YIF1B: variants seen among roughly 807,000 people sequenced by gnomAD.
YIF1B encodes the protein protein YIF1B.
A neutral mutation model predicts 34.6 loss-of-function variants in YIF1B; 24 were observed. The ratio of observed to expected loss-of-function variants is 0.69; its 90% confidence interval spans 0.50 to 0.98. YIF1B has a LOEUF of 0.98. Among genes scored for constraint, YIF1B ranks in the 50% least tolerant of loss-of-function variants. The probability of loss-of-function intolerance (pLI) is 0.00; values close to 1 mark genes in which losing one functional copy is unlikely to be tolerated. For synonymous variants in YIF1B, 186 were observed against 184.8 expected (o/e 1.01, Z -0.05); for missense variants, 368 against 429.4 (o/e 0.86, Z 1.26).
chr19:38,320,694 G>A (rs1969642013), upstream of YIF1B, among the ~76,000 whole-genome samples: 1 of 152,106 alleles, frequency 6.6e-6, no homozygotes, highest in African/African-American at 2.4e-5. Flanking sequence ...GAGTAGCTGG[G>A]ATTACAGGCA....
In YIF1B at chr19:38,304,206, G is replaced by C. The variant is rs1399967877; in HGVS notation, c.*1146C>G. 1 of 1,607,896 alleles carries C rather than the reference G, an allele frequency of 6.2e-7. No homozygotes were observed. Among genetic ancestry groups the C allele is most frequent in the Admixed American group, 1.7e-5 (1 of 59,798 alleles). On this transcript the variant is annotated 3_prime_UTR_variant, in exon 8 of 8. Transcript: ENST00000339413. ...GTCTCAGCGCTCCTCCCCCTGCTCCGCTCCTCTGCAGGGCCCAGGCGCCCT... is the reference window on the plus strand; with the variant it reads ...GTCTCAGCGCTCCTCCCCCTGCTCCCCTCCTCTGCAGGGCCCAGGCGCCCT...
chr19:38,307,670 G>C lies in YIF1B; in HGVS notation c.622C>G (p.Leu208Val). Residue 208 changes from leucine to valine, a missense_variant, in exon 6 of 8, where the codon CTC becomes GTC. By Grantham distance (32) the Leu-to-Val change is conservative (BLOSUM62 1). Transcript: ENST00000339413. ...TCGGTGTTGACAGTGACCAGATAGAGGCTGAGCAGGATGGCCAGCACCTCC... is the reference window on the plus strand; with the variant it reads ...TCGGTGTTGACAGTGACCAGATAGACGCTGAGCAGGATGGCCAGCACCTCC... ...TLEVLAILLS[L>V]YLVTVNTDLT... is the part of the protein sequence containing the mutation. 2 of 1,613,788 alleles carry C rather than the reference G, an allele frequency of 1.2e-6. No homozygotes were observed. Among genetic ancestry groups the C allele is most frequent in the Non-Finnish European group, 1.7e-6 (2 of 1,180,014 alleles).
At chr19:38,310,542 T>C (rs1377961334) in intron 1 of YIF1B, among the ~76,000 whole-genome samples, 1 of 151,986 alleles carries the variant, frequency 6.6e-6, no homozygotes, top group Non-Finnish European at 1.5e-5. Context: ...TTATCATCCA[T>C]CCATCCAGAT....
upstream of YIF1B, chr19:38,320,032 C>A: frequency 6.7e-7 from 1 of 1,496,978 alleles, no homozygotes; most frequent in Admixed American, 2.2e-5. Context: ...GGTGGCGCGG[C>A]TGGAGGGGCC....
chr19:38,309,104 C>G lies in YIF1B; in HGVS notation c.403-47G>C, dbSNP rs765775823. 3.2e-6 allele frequency: 5 copies of G among 1,557,746 alleles called. No individual in the cohort carries two copies. The Admixed American group carries it at 5.4e-5, about 17-fold the overall frequency. On this transcript the variant is annotated intron_variant, in intron 3 of 7. Coordinates refer to ENST00000339413, the MANE Select transcript of YIF1B (RefSeq NM_001039672.3). ...CAGGACCCTCAGAGCCAGGCCCCTC[C>G]CACCCTGCTACAGGCCCTCCTCCCT...
chr19:38,317,938 G>A (rs1274998105), upstream of YIF1B, among the ~76,000 whole-genome samples: 2 of 151,008 alleles, frequency 1.3e-5, no homozygotes, highest in Non-Finnish European at 1.5e-5. Context: ...GATCACGCCT[G>A]TAATCCCAGC....
upstream of YIF1B, chr19:38,316,075 T>G: frequency 2.7e-6 from 3 of 1,100,364 alleles, no homozygotes; most frequent in Non-Finnish European, 3.5e-6. Context: ...CACGGAGGCC[T>G]GGACGACTGG....
At chr19:38,319,848 G>C, upstream of YIF1B, 1 of 1,154,310 alleles carries the variant, frequency 8.7e-7, no homozygotes, top group Non-Finnish European at 1.1e-6. Flanking sequence ...ATCTGCTGCC[G>C]CGCCTGTAGC....
chr19:38,321,760 T>TCTGCC (rs549244684), upstream of YIF1B, among the ~76,000 whole-genome samples: 468 of 152,358 alleles, frequency 3.1e-3, 1 homozygote, highest in Admixed American at 6.3e-3. Context: ...CTCCCCTGGG[T>TCTGCC]CTGCCCATGC....
In YIF1B at chr19:38,304,027, C is replaced by T; in HGVS notation, c.*1325G>A. ...CATCCACAGAGCCCCCCTCAGTCGG[C>T]CTCCCCTGAGGCACCAAGGCTGGCG... is the stretch of plus-strand genomic sequence containing the variant. On this transcript the variant is annotated 3_prime_UTR_variant, in exon 8 of 8. Coordinates refer to ENST00000339413, the MANE Select transcript of YIF1B (RefSeq NM_001039672.3). 1 of 597,518 alleles carries T rather than the reference C, an allele frequency of 1.7e-6. No individual in the cohort carries two copies. The highest frequency in any genetic ancestry group is 2.9e-6 in the Non-Finnish European group (1 of 340,018). The allele number at this position is 597,518 out of a possible 1,614,324, so 37.0% of individuals were successfully genotyped here.
chr19:38,310,893 C>T (rs1969301367), intron 1 of YIF1B, among the ~76,000 whole-genome samples: 2 of 152,142 alleles, frequency 1.3e-5, no homozygotes, highest in African/African-American at 4.8e-5. Context: ...CACTCCCCAC[C>T]CCCTGCCCTG....
chr19:38,316,989 G>A (rs1391492567), upstream of YIF1B, among the ~76,000 whole-genome samples: 1 of 152,176 alleles, frequency 6.6e-6, no homozygotes, highest in Non-Finnish European at 1.5e-5. Context: ...GTGAGAAAAG[G>A]AAACCCAACA....
rs762411054 is a variant in YIF1B, at chr19:38,309,397, C to T, written c.297+8G>A. 12 of 1,612,592 alleles carry T rather than the reference C, an allele frequency of 7.4e-6. No individual in the cohort carries two copies. Among genetic ancestry groups the T allele is most frequent in the Non-Finnish European group, 6.8e-6 (8 of 1,179,078 alleles). On this transcript the variant is annotated splice_region_variant and intron_variant, in intron 2 of 7. Coordinates refer to ENST00000339413, the MANE Select transcript of YIF1B (RefSeq NM_001039672.3). Reference sequence around the variant, plus strand: ...ATCCCCCCACTCCCACCAGCCCCGCCCACTCACGTTCTTATCCACCAGCTC... The same window carrying T: ...ATCCCCCCACTCCCACCAGCCCCGCTCACTCACGTTCTTATCCACCAGCTC...
chr19:38,317,296 C>T (rs1318343081), upstream of YIF1B: 1 of 152,278 alleles, frequency 6.6e-6, no homozygotes, highest in Non-Finnish European at 1.5e-5. Flanking sequence ...AGCGATAGCG[C>T]ATCCGGAAGG....
At chr19:38,317,835 C>T (rs142110790), upstream of YIF1B, among the ~76,000 whole-genome samples, 22 of 151,204 alleles carry the variant, frequency 1.5e-4, no homozygotes, top group Non-Finnish European at 2.8e-4. Context: ...CTGCCTTGGC[C>T]TCCCAAAGCA....
At chr19:38,310,486 C>CT (rs1969285200) in intron 1 of YIF1B, among the ~76,000 whole-genome samples, 1 of 148,830 alleles carries the variant, frequency 6.7e-6, no homozygotes, top group Non-Finnish European at 1.5e-5. Context: ...ATCCATCCAT[C>CT]ATCATCCATC....
At position 38,304,497 on chromosome 19, in the gene YIF1B, C is replaced by G; in HGVS notation, c.*855G>C. ...GGCAGGTCCGGGTCCAAAGGTAAGT[C>G]GCCTCATCACCGGCTGCGGAGGGGC... On this transcript the variant is annotated 3_prime_UTR_variant, in exon 8 of 8. Coordinates refer to ENST00000339413, the MANE Select transcript of YIF1B (RefSeq NM_001039672.3). 11 of 1,557,496 alleles carry G rather than the reference C, an allele frequency of 7.1e-6. No homozygotes were observed. The highest frequency in any genetic ancestry group is 9.6e-6 in the Non-Finnish European group (11 of 1,150,878).
At position 38,305,281 on chromosome 19, in the gene YIF1B, CAGG is replaced by C. The variant is rs1968955482; in HGVS notation, c.*68_*70del. On this transcript the variant is annotated 3_prime_UTR_variant, in exon 8 of 8. Coordinates refer to ENST00000339413, the MANE Select transcript of YIF1B (RefSeq NM_001039672.3). ...CAGGGTGGACCTTGGGGCCTGCAGG[CAGG>C]AGATGAGTTCGGCGGCCACAGTGGC... The C allele has an allele frequency of 2.6e-6, 4 of 1,549,552 alleles. No individual in the cohort carries two copies. Among genetic ancestry groups the C allele is most frequent in the South Asian group, 1.2e-5 (1 of 83,376 alleles).
At position 38,305,512 on chromosome 19, in the gene YIF1B, G is replaced by T; in HGVS notation, c.790-5C>A. 1 of 1,597,166 alleles carries T rather than the reference G, an allele frequency of 6.3e-7. No individual in the cohort carries two copies. Among genetic ancestry groups the T allele is most frequent in the Non-Finnish European group, 8.6e-7 (1 of 1,167,608 alleles). Reference sequence around the variant, plus strand: ...CTTCAGCCGCAGCGTCCGGATCTGGGTGGGAAAGAGAGAGAGGAACCAAGG... The same window carrying T: ...CTTCAGCCGCAGCGTCCGGATCTGGTTGGGAAAGAGAGAGAGGAACCAAGG... On this transcript the variant is annotated splice_region_variant and splice_polypyrimidine_tract_variant and intron_variant, in intron 7 of 7. Coordinates refer to ENST00000339413, the MANE Select transcript of YIF1B (RefSeq NM_001039672.3).
Sources: gnomAD v4.1 joint callset for allele counts (sites outside exome capture counted in the v4.1 genomes callset) on GRCh38, gnomAD v4.1.1 for gene constraint, MANE v1.5 for transcripts, NCBI Gene and HGNC (gene_info 2026-07-23, HGNC 2026-07-21) for gene names.